Variants in TOP1 observed in about 807,000 individuals in gnomAD.
TOP1 encodes the protein DNA topoisomerase I.
TOP1 carries 10 observed loss-of-function variants against 111.1 expected under a neutral mutation model. That is an observed-to-expected ratio of 0.09 (90% CI 0.06 to 0.15). TOP1 has a LOEUF of 0.15. TOP1 is among the 10% of genes least tolerant of loss of function. TOP1 has a pLI of 1.00. For missense variants in TOP1, 474 were observed against 926.7 expected, an observed-to-expected ratio of 0.51 and a Z score of 6.34; for synonymous variants, 271 against 302.9, an observed-to-expected ratio of 0.89 and a Z score of 1.10.
In TOP1 at chr20:41,121,579, T is replaced by A. The variant is rs73909151; in HGVS notation, c.1951-117T>A. The A allele has an allele frequency of 5.9e-3, 4,637 of 786,830 alleles. 143 individuals carry two copies. In the African/African-American group the frequency reaches 0.07, roughly 12 times the overall value. 48.7% of individuals were successfully genotyped at this position (786,830 alleles called of 1,614,324 possible). A position where few individuals can be genotyped will look rare whatever the true frequency, so the allele number is the denominator to read the frequency against. ...TCATGAAGCCACCCTTGTTTTTTTTTATCTGACAAACCACTGACAGAGACA... is the reference window on the plus strand; with the variant it reads ...TCATGAAGCCACCCTTGTTTTTTTTAATCTGACAAACCACTGACAGAGACA... On this transcript the variant is annotated intron_variant, in intron 18 of 20. Coordinates refer to ENST00000361337, the MANE Select transcript of TOP1 (RefSeq NM_003286.4). The surrounding 1 kb of genome is among the most constrained non-coding windows in gnomAD (Gnocchi z 4.2).
intron 2 of TOP1, among the ~76,000 whole-genome samples, chr20:41,054,123 T>C (rs1239416494): frequency 2.0e-5 from 3 of 152,224 alleles, no homozygotes; most frequent in Non-Finnish European, 2.9e-5. Context: ...GATACTGATA[T>C]GGTTTGGCTG....
intron 2 of TOP1, among the ~76,000 whole-genome samples, chr20:41,037,364 CT>C (rs1237021245): frequency 6.6e-6 from 1 of 152,108 alleles, no homozygotes; most frequent in Non-Finnish European, 1.5e-5. Context: ...TTCAATATGT[CT>C]TGTGTCAGCA....
rs2034204053 is a variant in TOP1 at position 41,109,723 on chromosome 20, CA to C, written c.1309-3058del. 6.6e-6 allele frequency among the ~76,000 whole-genome samples: 1 copy of C among 152,178 alleles called. No individual in the cohort carries two copies. The highest frequency in any genetic ancestry group is 2.4e-5 in the African/African-American group (1 of 41,438). Reference sequence around the variant, plus strand: ...AATAAGCAAATGAAAGAGTGCTCGACATCACTAATTATCAGTGGAGTGAAGA... The same window carrying C: ...AATAAGCAAATGAAAGAGTGCTCGACTCACTAATTATCAGTGGAGTGAAGA... On this transcript the variant is annotated intron_variant, in intron 13 of 20. Coordinates refer to ENST00000361337, the MANE Select transcript of TOP1 (RefSeq NM_003286.4). This position sits in a 1 kb window ranked among gnomAD's most constrained non-coding sequence, Gnocchi z 4.1.
chr20:41,042,191 T>C (rs1309483006), intron 2 of TOP1, among the ~76,000 whole-genome samples: 2 of 152,188 alleles, frequency 1.3e-5, no homozygotes, highest in Admixed American at 6.5e-5. Context: ...ATTACAGTAG[T>C]GAGCCACCGT....
At chr20:41,042,445 C>T (rs1186609475) in intron 2 of TOP1, among the ~76,000 whole-genome samples, 1 of 152,142 alleles carries the variant, frequency 6.6e-6, no homozygotes, top group Non-Finnish European at 1.5e-5. Context: ...GATTGGGTGA[C>T]AAGCAGAGCA....
Position 41,032,888 on chromosome 20 carries a change from T to G in TOP1, c.58+3433T>G, listed in dbSNP as rs925133160. Among the ~76,000 whole-genome samples the G allele has an allele frequency of 2.0e-5, 3 of 152,172 alleles. No individual in the cohort carries two copies. Among genetic ancestry groups the G allele is most frequent in the Admixed American group, 6.5e-5 (1 of 15,278 alleles). ...CTATCTGAAAATTGCCACTACATTT[T>G]TAAAACTGAAAAGTGATGGTACCGC... On this transcript the variant is annotated intron_variant, in intron 2 of 20. Transcript: ENST00000361337. The surrounding 1 kb of genome is among the most constrained non-coding windows in gnomAD (Gnocchi z 4.3).
At chr20:41,053,438 T>G (rs2033430237) in intron 2 of TOP1, among the ~76,000 whole-genome samples, 1 of 152,202 alleles carries the variant, frequency 6.6e-6, no homozygotes, top group Admixed American at 6.5e-5. Flanking sequence ...TAACCTAGAT[T>G]CAGTATTTTT....
In TOP1 at chr20:41,101,486, T is replaced by C. The variant is rs949367380; in HGVS notation, c.1308+133T>C. 4 of 976,386 alleles carry C rather than the reference T, an allele frequency of 4.1e-6. No homozygotes were observed. Among genetic ancestry groups the C allele is most frequent in the Non-Finnish European group, 5.9e-6 (4 of 676,486 alleles). 60.5% of individuals were successfully genotyped at this position (976,386 alleles called of 1,614,324 possible). A position where few individuals can be genotyped will look rare whatever the true frequency, so the allele number is the denominator to read the frequency against. On this transcript the variant is annotated intron_variant, in intron 13 of 20. Coordinates refer to ENST00000361337, the MANE Select transcript of TOP1 (RefSeq NM_003286.4). This position sits in a 1 kb window ranked among gnomAD's most constrained non-coding sequence, Gnocchi z 4.1. ...CCCCATTGAAAGAAGGCAAGTACTT[T>C]CATAGTTAGCATTATGGTGATCTTC...
rs2033543288 is a variant in TOP1, at chr20:41,061,436, G to A, written c.101G>A (p.Arg34Gln). The change falls in exon 3 of 21, where the codon CGG becomes CAG. Residue 34 changes from arginine (R) to glutamine (Q), a missense_variant. By Grantham distance (43) the Arg-to-Gln change is conservative. This residue lies in a region of TOP1 where 185 missense variants were observed against 226.3 expected (regional missense o/e 0.82). Transcript: ENST00000361337. The surrounding 1 kb of genome is among the most constrained non-coding windows in gnomAD (Gnocchi z 4.6). Reference sequence around the variant, plus strand: ...GATAAACACAAAGATCGAGAACACCGGCACAAAGAACACAAGAAGGAGAAG... The same window carrying A: ...GATAAACACAAAGATCGAGAACACCAGCACAAAGAACACAAGAAGGAGAAG... ...HKDKHKDREH[R>Q]HKEHKKEKDR... 3 of 1,613,350 alleles carry A rather than the reference G, an allele frequency of 1.9e-6. No individual in the cohort carries two copies. The highest frequency in any genetic ancestry group is 1.1e-5 in the South Asian group (1 of 90,990).
intron 13 of TOP1, among the ~76,000 whole-genome samples, chr20:41,103,692 C>T (rs1468514613): frequency 6.6e-6 from 1 of 152,058 alleles, no homozygotes; most frequent in Non-Finnish European, 1.5e-5. Context: ...TCTGGCTGGC[C>T]TCACTATATA....
At chr20:41,085,467 T>C (rs976700051) in intron 8 of TOP1, among the ~76,000 whole-genome samples, 1 of 152,244 alleles carries the variant, frequency 6.6e-6, no homozygotes, top group Admixed American at 6.5e-5. Flanking sequence ...ACTTTTCTAC[T>C]TTTGCTGTTT....
At chr20:41,065,103 C>T (rs185036443) in intron 3 of TOP1, among the ~76,000 whole-genome samples, 61 of 152,224 alleles carry the variant, frequency 4.0e-4, no homozygotes, top group Non-Finnish European at 5.9e-5. Flanking sequence ...CAGGGTTTCA[C>T]CATGTTGACT....
intron 2 of TOP1, among the ~76,000 whole-genome samples, chr20:41,054,377 C>T (rs528516851): frequency 6.6e-6 from 1 of 152,210 alleles, no homozygotes; most frequent in African/African-American, 2.4e-5. Flanking sequence ...TTTGCTTCCC[C>T]TTCCACCATG....
rs2034339321 is a variant in TOP1 at position 41,116,903 on chromosome 20, C to T, written c.1822+511C>T. ...CCCAGTCACTATTGAATTTCCACTG[C>T]CCTCTGTAAATACATCAGATGGCCT... On this transcript the variant is annotated intron_variant, in intron 17 of 20. Coordinates refer to ENST00000361337, the MANE Select transcript of TOP1 (RefSeq NM_003286.4). The surrounding 1 kb of genome is among the most constrained non-coding windows in gnomAD (Gnocchi z 5.6). Among the ~76,000 whole-genome samples the T allele has an allele frequency of 6.6e-6, 1 of 152,040 alleles. No individual in the cohort carries two copies. The highest frequency in any genetic ancestry group is 6.5e-5 in the Admixed American group (1 of 15,270).
At position 41,028,984 on chromosome 20, in the gene TOP1, C is replaced by T. The variant is rs1271627905; in HGVS notation, c.-84C>T. Reference sequence around the variant, plus strand: ...GCGCCTCCTCGAGCCTCCGGAGTCCCCGTCCGCCCGCACAGGCCGGTTCGC... The same window carrying T: ...GCGCCTCCTCGAGCCTCCGGAGTCCTCGTCCGCCCGCACAGGCCGGTTCGC... On this transcript the variant is annotated 5_prime_UTR_variant, in exon 1 of 21. Transcript: ENST00000361337. 1 of 1,253,194 alleles carries T rather than the reference C, an allele frequency of 8.0e-7. No individual in the cohort carries two copies. Among genetic ancestry groups the T allele is most frequent in the Non-Finnish European group, 1.1e-6 (1 of 895,556 alleles). 77.6% of individuals were successfully genotyped at this position (1,253,194 alleles called of 1,614,324 possible). A position where few individuals can be genotyped will look rare whatever the true frequency, so the allele number is the denominator to read the frequency against.
At chr20:41,117,448 C>T (rs868756771) in intron 17 of TOP1, among the ~76,000 whole-genome samples, 3 of 132,968 alleles carry the variant, frequency 2.3e-5, no homozygotes, top group Non-Finnish European at 4.6e-5. Context: ...TGCAGTGGCG[C>T]GATCTCGGCT....
rs2122577979 is a variant in TOP1 at position 41,029,321 on chromosome 20, T to G, written c.34-110T>G. On this transcript the variant is annotated intron_variant, in intron 1 of 20. Transcript: ENST00000361337. This position sits in a 1 kb window ranked among gnomAD's most constrained non-coding sequence, Gnocchi z 6.1. ...GCTGCCCTCTGTGGCCACCCCCGGG[T>G]CCCCGTCCTCCCCGGGGGCGCAGGG... 1 of 1,007,410 alleles carries G rather than the reference T, an allele frequency of 9.9e-7. No homozygotes were observed. Among genetic ancestry groups the G allele is most frequent in the South Asian group, 1.9e-5 (1 of 52,102 alleles). 62.4% of individuals were successfully genotyped at this position (1,007,410 alleles called of 1,614,324 possible).
chr20:41,053,281 T>G (rs1343461834), intron 2 of TOP1, among the ~76,000 whole-genome samples: 1 of 152,142 alleles, frequency 6.6e-6, no homozygotes, highest in Non-Finnish European at 1.5e-5. Flanking sequence ...TCAGTAAGAC[T>G]TGGCTCAAAC....
chr20:41,060,532 C>G (rs899489117), intron 2 of TOP1, among the ~76,000 whole-genome samples: 1 of 152,102 alleles, frequency 6.6e-6, no homozygotes, highest in Non-Finnish European at 1.5e-5. Flanking sequence ...GGAAGGAGCA[C>G]GAGGGAAACT....
Sources: allele counts gnomAD v4.1 joint callset (sites outside exome capture counted in the v4.1 genomes callset), GRCh38; gene constraint gnomAD v4.1.1; regional missense constraint gnomAD v4.1.1; non-coding constraint Gnocchi (gnomAD v3.1); transcripts MANE v1.5; gene names NCBI Gene and HGNC (gene_info 2026-07-23, HGNC 2026-07-21).